Variants in PPP2R2B observed in about 807,000 individuals in gnomAD.
PPP2R2B encodes the protein protein phosphatase 2 regulatory subunit Bbeta.
In PPP2R2B, 5 loss-of-function variants were observed where a neutral mutation model predicts 46.0. That is an observed-to-expected ratio of 0.11 (90% CI 0.06 to 0.23). The LOEUF is 0.23. Among genes scored for constraint, PPP2R2B ranks in the 10% least tolerant of loss-of-function variants. The probability of loss-of-function intolerance (pLI) is 1.00; values close to 1 mark genes in which losing one functional copy is unlikely to be tolerated. For missense variants in PPP2R2B, 367 were observed against 575.0 expected, an observed-to-expected ratio of 0.64 and a Z score of 3.70; for synonymous variants, 215 against 206.7, an observed-to-expected ratio of 1.04 and a Z score of -0.34.
intron 1 of PPP2R2B, among the ~76,000 whole-genome samples, chr5:147,023,862 AT>A (rs1451695163): frequency 6.6e-6 from 1 of 151,992 alleles, no homozygotes; most frequent in Non-Finnish European, 1.5e-5. Context: ...GGAAGGACAA[AT>A]TTGCTCTTTC....
intron 2 of PPP2R2B, among the ~76,000 whole-genome samples, chr5:147,077,076 C>A (rs1757791810): frequency 6.8e-6 from 1 of 146,854 alleles, no homozygotes; most frequent in South Asian, 2.1e-4. Flanking sequence ...ATATATATTA[C>A]ATACATATGT....
At chr5:147,011,783 A>G in intron 1 of PPP2R2B, among the ~76,000 whole-genome samples, 2 of 145,880 alleles carry the variant, frequency 1.4e-5, no homozygotes, top group African/African-American at 5.2e-5. Context: ...AGTTTTTAGC[A>G]TGAAGGGTTG....
At chr5:146,598,476 G>A (rs543681168) in intron 8 of PPP2R2B, among the ~76,000 whole-genome samples, 2 of 152,248 alleles carry the variant, frequency 1.3e-5, no homozygotes, top group East Asian at 3.9e-4. Flanking sequence ...ATACTTGTGA[G>A]TGTCAGATTT....
intron 2 of PPP2R2B, among the ~76,000 whole-genome samples, chr5:147,079,017 G>A (rs4279385): frequency 0.66 from 99,620 of 151,664 alleles, 33,142 homozygotes; most frequent in Middle Eastern, 0.75. Context: ...TTTTAAAAAA[G>A]TTTCTAATGT....
rs1770192027 is a variant in PPP2R2B, at chr5:146,586,910, T to C, written c.*3037A>G. 1 of 152,164 alleles carries C rather than the reference T, an allele frequency of 6.6e-6. No homozygotes were observed. 9.4% of individuals were successfully genotyped at this position (152,164 alleles called of 1,614,324 possible). A position where few individuals can be genotyped will look rare whatever the true frequency, so the allele number is the denominator to read the frequency against. On this transcript the variant is annotated 3_prime_UTR_variant, in exon 10 of 10. Transcript: ENST00000394411. ...TACGAATGTCTACCAAAGTTCAGCT[T>C]TTTGCATTACTTGTTTTTAACGTCA...
At position 146,951,363 on chromosome 5, in the gene PPP2R2B, A is replaced by G. The variant is rs527871066; in HGVS notation, c.79+104302T>C. On this transcript the variant is annotated intron_variant, in intron 1 of 8. Transcript: ENST00000336640. ...TTCCTCATGCCTTTTTTTTTTAAAA[A>G]TTAAGTTCCAGTGTATATGTGCAGG... 9.8e-4 allele frequency among the ~76,000 whole-genome samples: 148 copies of G among 151,594 alleles called. No individual in the cohort carries two copies. The Middle Eastern group carries it at 0.01, about 10-fold the overall frequency.
At chr5:147,076,312 A>T (rs950466601) in intron 2 of PPP2R2B, among the ~76,000 whole-genome samples, 3 of 149,870 alleles carry the variant, frequency 2.0e-5, no homozygotes, top group African/African-American at 7.3e-5. Flanking sequence ...CCATTTTGGT[A>T]AAAAAAAAAT....
intron 7 of PPP2R2B, among the ~76,000 whole-genome samples, chr5:146,609,633 T>C (rs1216680628): frequency 2.7e-5 from 4 of 148,354 alleles, no homozygotes; most frequent in Non-Finnish European, 4.5e-5. Context: ...CCAGTGTGTG[T>C]GCGCACCGTG....
intron 2 of PPP2R2B, among the ~76,000 whole-genome samples, chr5:146,825,439 A>G (rs1301377728): frequency 6.6e-6 from 1 of 152,138 alleles, no homozygotes; most frequent in African/African-American, 2.4e-5. Flanking sequence ...ATCTCTTTTT[A>G]CTCTTTTACC....
chr5:146,704,349 A>T (rs1407497115), intron 2 of PPP2R2B, among the ~76,000 whole-genome samples: 1 of 152,216 alleles, frequency 6.6e-6, no homozygotes, highest in African/African-American at 2.4e-5. Flanking sequence ...AAGTTTAGAG[A>T]TAATAACGTC....
intron 5 of PPP2R2B, among the ~76,000 whole-genome samples, chr5:146,690,786 C>T (rs1561835765): frequency 6.6e-6 from 1 of 152,206 alleles, no homozygotes; most frequent in African/African-American, 2.4e-5. Flanking sequence ...GACTGCAACT[C>T]GCCATCTGGA....
intron 2 of PPP2R2B, among the ~76,000 whole-genome samples, chr5:146,772,383 CATATATATATATATATATATATATAT>C (rs33981708): frequency 0.093 from 12,466 of 133,466 alleles, 753 homozygotes; most frequent in South Asian, 0.15. Flanking sequence ...ATAACTTGTG[CATATATATATATATATATATATATAT>C]ATATATATAT....
chr5:147,055,622 A>T (rs202038761), intron 1 of PPP2R2B: 1 of 1,550,198 alleles, frequency 6.5e-7, no homozygotes, highest in Non-Finnish European at 8.9e-7. Flanking sequence ...ACACCAGCCC[A>T]CTTTTCCCAC....
chr5:146,657,505 C>T (rs1445977856), intron 5 of PPP2R2B, among the ~76,000 whole-genome samples: 1 of 152,154 alleles, frequency 6.6e-6, no homozygotes, highest in East Asian at 1.9e-4. Flanking sequence ...TTGTTACGTA[C>T]AAGCATAATC....
At chr5:147,006,147 G>C (rs1754428969) in intron 1 of PPP2R2B, among the ~76,000 whole-genome samples, 1 of 152,144 alleles carries the variant, frequency 6.6e-6, no homozygotes, top group African/African-American at 2.4e-5. Flanking sequence ...TTCCTCCCTG[G>C]AAATTAAGGG....
chr5:146,821,012 C>A (rs1758226230), intron 2 of PPP2R2B, among the ~76,000 whole-genome samples: 1 of 152,084 alleles, frequency 6.6e-6, no homozygotes, highest in Admixed American at 6.6e-5. Context: ...AATAGGCCTC[C>A]CTCCTTCCAT....
intron 7 of PPP2R2B, among the ~76,000 whole-genome samples, chr5:146,634,953 C>T (rs1201827104): frequency 6.6e-6 from 1 of 152,078 alleles, no homozygotes; most frequent in Non-Finnish European, 1.5e-5. Context: ...AATGAGGCCT[C>T]CTATATCTGG....
intron 1 of PPP2R2B, among the ~76,000 whole-genome samples, chr5:146,917,421 G>T (rs1763430878): frequency 6.6e-6 from 1 of 152,172 alleles, no homozygotes; most frequent in South Asian, 2.1e-4. Flanking sequence ...TCAGTAAAAG[G>T]TCATTCCTTG....
intron 6 of PPP2R2B, among the ~76,000 whole-genome samples, chr5:146,638,810 T>C (rs1774997113): frequency 1.3e-5 from 2 of 152,224 alleles, no homozygotes; most frequent in Non-Finnish European, 2.9e-5. Flanking sequence ...AAATAATTCA[T>C]TTTATCTGAT....
Sources: allele counts gnomAD v4.1 joint callset (sites outside exome capture counted in the v4.1 genomes callset), GRCh38; gene constraint gnomAD v4.1.1; transcripts MANE v1.5; gene names NCBI Gene and HGNC (gene_info 2026-07-23, HGNC 2026-07-21).